Variants in MTHFD1L observed in about 807,000 individuals in gnomAD.
MTHFD1L encodes the protein methylenetetrahydrofolate dehydrogenase (NADP+ dependent) 1 like.
MTHFD1L carries 81 observed loss-of-function variants against 119.5 expected under a neutral mutation model. The observed-to-expected ratio is 0.68, with a 90% confidence interval of 0.57 to 0.82. The LOEUF (loss-of-function observed/expected upper bound fraction) is 0.82. Ranked by LOEUF, MTHFD1L falls within the 40% of genes least tolerant of loss-of-function variation. MTHFD1L has a pLI of 0.00. For synonymous variants in MTHFD1L, 430 were observed against 475.2 expected (o/e 0.90, Z 1.24); for missense variants, 1,125 against 1,253.4 (o/e 0.90, Z 1.55).
At chr6:150,876,542 AG>A (rs778515622) in intron 2 of MTHFD1L, among the ~76,000 whole-genome samples, 11 of 152,246 alleles carry the variant, frequency 7.2e-5, no homozygotes, top group Non-Finnish European at 1.3e-4. Flanking sequence ...CACAGATGCT[AG>A]ATGAAACATG....
intron 15 of MTHFD1L, among the ~76,000 whole-genome samples, chr6:150,948,671 G>A (rs803472): frequency 1.1e-3 from 164 of 147,894 alleles, no homozygotes; most frequent in Non-Finnish European, 2.0e-3. Context: ...ATGGAGTTTC[G>A]CTCTTGTTGC....
intron 26 of MTHFD1L, among the ~76,000 whole-genome samples, chr6:151,037,973 A>G (rs1194977991): frequency 2.0e-5 from 3 of 152,266 alleles, no homozygotes; most frequent in African/African-American, 7.2e-5. Flanking sequence ...ATACATTATC[A>G]TAATTTTTTA....
At chr6:151,065,052 C>T (rs979701323) in intron 26 of MTHFD1L, among the ~76,000 whole-genome samples, 2 of 152,176 alleles carry the variant, frequency 1.3e-5, no homozygotes, top group African/African-American at 4.8e-5. Flanking sequence ...GATCCACCCG[C>T]CTTGGACTCC....
At position 150,918,561 on chromosome 6, in the gene MTHFD1L, C is replaced by T. The variant is rs1427267784; in HGVS notation, c.893-16C>T. 1.8e-5 allele frequency: 29 copies of T among 1,591,878 alleles called. No individual in the cohort carries two copies. Among genetic ancestry groups the T allele is most frequent in the Non-Finnish European group, 2.5e-5 (29 of 1,162,148 alleles). On this transcript the variant is annotated splice_polypyrimidine_tract_variant and intron_variant, in intron 8 of 27. Coordinates refer to ENST00000367321, the MANE Select transcript of MTHFD1L (RefSeq NM_015440.5). Reference sequence around the variant, plus strand: ...AGTGTACTGAAAGTCTTTTTTTTCCCTCCAATTTTTTACAGGGAAGGTTGG... The same window carrying T: ...AGTGTACTGAAAGTCTTTTTTTTCCTTCCAATTTTTTACAGGGAAGGTTGG...
chr6:150,953,470 G>A (rs1795141247), intron 16 of MTHFD1L, among the ~76,000 whole-genome samples: 1 of 152,196 alleles, frequency 6.6e-6, no homozygotes, highest in Non-Finnish European at 1.5e-5. Flanking sequence ...TCGGGACTAG[G>A]CACAAGTAGC....
At chr6:151,091,405 T>C (rs912486951) in intron 26 of MTHFD1L, among the ~76,000 whole-genome samples, 1 of 152,084 alleles carries the variant, frequency 6.6e-6, no homozygotes, top group Non-Finnish European at 1.5e-5. Flanking sequence ...CCTGGAGCAG[T>C]GTTTCAGGGC....
At chr6:150,922,346 T>G in intron 10 of MTHFD1L, 44 bp downstream of exon 10, 1 of 1,513,478 alleles carries the variant, frequency 6.6e-7, no homozygotes, top group Non-Finnish European at 9.2e-7. Flanking sequence ...CTCAGCACAG[T>G]GCCTTAGCCC....
intron 17 of MTHFD1L, among the ~76,000 whole-genome samples, chr6:150,956,871 G>T (rs1184700306): frequency 7.3e-6 from 1 of 136,996 alleles, no homozygotes; most frequent in Non-Finnish European, 1.6e-5. Context: ...ATTAAGAAGA[G>T]AAACTTAAGT....
At chr6:150,990,260 G>A (rs803510) in intron 20 of MTHFD1L, among the ~76,000 whole-genome samples, 80,534 of 150,884 alleles carry the variant, frequency 0.53, 22,691 homozygotes, top group African/African-American at 0.7. Context: ...GCCCGGCGAC[G>A]GAGTGAGATT....
chr6:150,978,780 A>G (rs1187900326), intron 20 of MTHFD1L, among the ~76,000 whole-genome samples: 1 of 152,188 alleles, frequency 6.6e-6, no homozygotes, highest in Non-Finnish European at 1.5e-5. Context: ...ATGATGTAAC[A>G]GAAGCTTAGC....
Position 151,022,023 on chromosome 6 carries a change from G to C in MTHFD1L, c.2586+6330G>C, listed in dbSNP as rs545635546. On this transcript the variant is annotated intron_variant, in intron 24 of 27. Coordinates refer to ENST00000367321, the MANE Select transcript of MTHFD1L (RefSeq NM_015440.5). Reference sequence around the variant, plus strand: ...TTAAAAGGTCTTTCCTGTTCCTTGCGTGAAGCCATTCTCTTGATCCCAGTG... The same window carrying C: ...TTAAAAGGTCTTTCCTGTTCCTTGCCTGAAGCCATTCTCTTGATCCCAGTG... 6.3e-4 allele frequency: 297 copies of C among 471,138 alleles called. 2 individuals are homozygous for C. The highest frequency in any genetic ancestry group is 4.5e-3 in the South Asian group (289 of 64,566). The allele number at this position is 471,138 out of a possible 1,614,324, so 29.2% of individuals were successfully genotyped here.
chr6:151,063,507 G>T (rs979479587), intron 26 of MTHFD1L, among the ~76,000 whole-genome samples: 1 of 152,118 alleles, frequency 6.6e-6, no homozygotes, highest in African/African-American at 2.4e-5. Flanking sequence ...TGAATATTTT[G>T]TATGATGAGT....
chr6:150,888,903 G>A (rs977650174), intron 7 of MTHFD1L, among the ~76,000 whole-genome samples: 29 of 152,230 alleles, frequency 1.9e-4, no homozygotes, highest in African/African-American at 6.5e-4. Flanking sequence ...GGCCGGGCGT[G>A]GTGGCTCATG....
intron 26 of MTHFD1L, among the ~76,000 whole-genome samples, chr6:151,068,979 C>T (rs999054528): frequency 1.3e-5 from 2 of 152,126 alleles, no homozygotes; most frequent in Admixed American, 1.3e-4. Context: ...TGCCAGTTTG[C>T]CCAGTTTCAT....
intron 23 of MTHFD1L, among the ~76,000 whole-genome samples, chr6:151,015,304 A>G (rs17080702): frequency 0.065 from 9,647 of 149,500 alleles, 1,031 homozygotes; most frequent in African/African-American, 0.23. Context: ...TCTTGATAAC[A>G]CCCTTAACGA....
chr6:151,041,068 GCGTCAGTGCA>G lies in MTHFD1L; in HGVS notation c.2847+3953_2847+3962del, dbSNP rs934975370. ...GTGGCCACACACGGGGTCGCAGTGAGCGTCAGTGCACAGTGATGAAATCTCCTGGAACAGT... is the reference window on the plus strand; with the variant it reads ...GTGGCCACACACGGGGTCGCAGTGAGCAGTGATGAAATCTCCTGGAACAGT... On this transcript the variant is annotated intron_variant, in intron 26 of 27. Transcript: ENST00000367321. Among the ~76,000 whole-genome samples the G allele has an allele frequency of 8.2e-4, 125 of 152,192 alleles. 1 individual carries two copies. Among genetic ancestry groups the G allele is most frequent in the Non-Finnish European group, 3.1e-4 (21 of 68,032 alleles).
intron 26 of MTHFD1L, among the ~76,000 whole-genome samples, chr6:151,079,489 C>G (rs953332091): frequency 2.0e-5 from 3 of 151,956 alleles, no homozygotes; most frequent in Non-Finnish European, 2.9e-5. Flanking sequence ...TGGAGTTTCA[C>G]TCTTGTTGCC....
At chr6:150,874,283 G>C (rs1488222122) in intron 1 of MTHFD1L, among the ~76,000 whole-genome samples, 5 of 152,188 alleles carry the variant, frequency 3.3e-5, no homozygotes, top group African/African-American at 4.8e-5. Flanking sequence ...AAAACTAACT[G>C]AAATGTTCCC....
chr6:151,052,156 C>T (rs935556466), intron 26 of MTHFD1L, among the ~76,000 whole-genome samples: 7 of 152,158 alleles, frequency 4.6e-5, no homozygotes, highest in Non-Finnish European at 8.8e-5. Context: ...GTGACTGACC[C>T]GCGAGTGCCC....
Sources: gnomAD v4.1 joint callset for allele counts (sites outside exome capture counted in the v4.1 genomes callset) on GRCh38, gnomAD v4.1.1 for gene constraint, MANE v1.5 for transcripts, NCBI Gene and HGNC (gene_info 2026-07-23, HGNC 2026-07-21) for gene names.